Variants in TANC2 observed in about 807,000 individuals in gnomAD.
TANC2 encodes protein TANC2.
TANC2 carries 26 observed loss-of-function variants against 210.5 expected under a neutral mutation model. That is an observed-to-expected ratio of 0.12 (90% CI 0.09 to 0.17). TANC2 has a LOEUF of 0.17. Ranked by LOEUF, TANC2 falls within the 10% of genes least tolerant of loss-of-function variation. TANC2 has a pLI of 1.00. For synonymous variants in TANC2, 931 were observed against 967.1 expected, an observed-to-expected ratio of 0.96 and a Z score of 0.69; for missense variants, 2,129 against 2,608.9, an observed-to-expected ratio of 0.82 and a Z score of 4.01.
At chr17:63,054,175 A>T (rs888562540) in intron 2 of TANC2, among the ~76,000 whole-genome samples, 3 of 152,212 alleles carry the variant, frequency 2.0e-5, no homozygotes, top group African/African-American at 7.2e-5. Flanking sequence ...TATTAGTACT[A>T]AATGAGATAA....
chr17:63,300,547 A>C (rs1249252070), intron 9 of TANC2, among the ~76,000 whole-genome samples: 1 of 152,132 alleles, frequency 6.6e-6, no homozygotes, highest in African/African-American at 2.4e-5. Context: ...AGTGATTGTG[A>C]ATGGGAGTTC....
chr17:63,300,925 A>G (rs2044692812), intron 9 of TANC2, among the ~76,000 whole-genome samples: 1 of 152,170 alleles, frequency 6.6e-6, no homozygotes, highest in African/African-American at 2.4e-5. Flanking sequence ...TGTCATAAAT[A>G]GCTCTTATTA....
chr17:63,352,173 T>C (rs2046631166), intron 13 of TANC2, among the ~76,000 whole-genome samples: 1 of 152,150 alleles, frequency 6.6e-6, no homozygotes, highest in Admixed American at 6.6e-5. Context: ...ATAAAAATTA[T>C]TTCCTCCTAT....
At chr17:63,283,495 T>C (rs1284131202) in intron 9 of TANC2, among the ~76,000 whole-genome samples, 1 of 151,804 alleles carries the variant, frequency 6.6e-6, no homozygotes, top group Non-Finnish European at 1.5e-5. Context: ...TGCTAGAGTT[T>C]TTATGGAGAT....
intron 3 of TANC2, among the ~76,000 whole-genome samples, chr17:63,091,061 T>TG (rs1308056738): frequency 6.7e-6 from 1 of 150,344 alleles, no homozygotes; most frequent in African/African-American, 2.4e-5. Flanking sequence ...GGTTGTTTGT[T>TG]TTTTTTTTTT....
intron 5 of TANC2, among the ~76,000 whole-genome samples, chr17:63,176,188 C>A (rs998039205): frequency 6.6e-6 from 1 of 152,126 alleles, no homozygotes; most frequent in African/African-American, 2.4e-5. Context: ...CATTACACAC[C>A]TATGTGTTTT....
intron 6 of TANC2, among the ~76,000 whole-genome samples, chr17:63,198,103 TTTTC>T: frequency 6.6e-6 from 1 of 152,346 alleles, no homozygotes; most frequent in African/African-American, 2.4e-5. Flanking sequence ...TATAATATGA[TTTTC>T]TTTCACAAAG....
chr17:63,080,848 G>A (rs528885850), intron 3 of TANC2, among the ~76,000 whole-genome samples: 11 of 151,914 alleles, frequency 7.2e-5, no homozygotes, highest in Non-Finnish European at 1.5e-4. Context: ...GAATAAGACC[G>A]TTCTGTTTAT....
At chr17:63,338,680 C>A (rs942110740) in intron 11 of TANC2, among the ~76,000 whole-genome samples, 6 of 152,180 alleles carry the variant, frequency 3.9e-5, no homozygotes, top group African/African-American at 1.4e-4. Flanking sequence ...ACCAGTCTAT[C>A]TGAAGAAAAG....
At chr17:63,015,640 C>T (rs945788133) in intron 2 of TANC2, among the ~76,000 whole-genome samples, 20 of 151,932 alleles carry the variant, frequency 1.3e-4, no homozygotes, top group Non-Finnish European at 2.2e-4. Context: ...TTCCCCCTAA[C>T]GACATGAGAA....
At chr17:63,196,153 T>C (rs1435483010) in intron 6 of TANC2, among the ~76,000 whole-genome samples, 1 of 152,198 alleles carries the variant, frequency 6.6e-6, no homozygotes, top group Non-Finnish European at 1.5e-5. Flanking sequence ...CATTACATGT[T>C]TAGTTGTGGG....
intron 7 of TANC2, among the ~76,000 whole-genome samples, chr17:63,217,599 C>G (rs1245212694): frequency 2.6e-5 from 4 of 152,098 alleles, no homozygotes; most frequent in African/African-American, 9.7e-5. Flanking sequence ...TTGTTTAAAA[C>G]TTTGCCATAA....
chr17:63,272,763 T>C (rs1222663859), intron 9 of TANC2, among the ~76,000 whole-genome samples: 2 of 152,146 alleles, frequency 1.3e-5, no homozygotes, highest in Non-Finnish European at 2.9e-5. Context: ...TGGTAGTTAA[T>C]GCTTATATAC....
intron 2 of TANC2, among the ~76,000 whole-genome samples, chr17:63,033,131 C>T (rs1223177623): frequency 2.6e-5 from 4 of 152,190 alleles, no homozygotes; most frequent in Admixed American, 2.6e-4. Context: ...GGGTGCCCCA[C>T]TCTCCTGACA....
At chr17:63,095,820 T>C (rs959280093) in intron 3 of TANC2, among the ~76,000 whole-genome samples, 1 of 152,180 alleles carries the variant, frequency 6.6e-6, no homozygotes, top group African/African-American at 2.4e-5. Context: ...TCTCTGTAGC[T>C]ACAATAAGTT....
At chr17:63,109,210 A>C (rs781649165) in intron 4 of TANC2, among the ~76,000 whole-genome samples, 1 of 151,748 alleles carries the variant, frequency 6.6e-6, no homozygotes, top group Non-Finnish European at 1.5e-5. Flanking sequence ...TAATCAATAA[A>C]GTTAAAAGGG....
chr17:63,066,925 T>G (rs1053961325), intron 2 of TANC2, among the ~76,000 whole-genome samples: 1 of 151,992 alleles, frequency 6.6e-6, no homozygotes, highest in African/African-American at 2.4e-5. Context: ...CCCCATTAAG[T>G]TTTTATGAGC....
At chr17:63,406,427 T>G (rs1202997768) in intron 21 of TANC2, 150 bp downstream of exon 21, 1 of 1,103,778 alleles carries the variant, frequency 9.1e-7, no homozygotes, top group Non-Finnish European at 1.3e-6. Flanking sequence ...CCTCTTGTAT[T>G]CAGTGTAATG....
At chr17:63,053,483 CT>C (rs2035656864) in intron 2 of TANC2, among the ~76,000 whole-genome samples, 1 of 152,216 alleles carries the variant, frequency 6.6e-6, no homozygotes, top group African/African-American at 2.4e-5. Context: ...TCACAGTATT[CT>C]CCCCAGGCTT....
Sources: allele counts gnomAD v4.1 joint callset (sites outside exome capture counted in the v4.1 genomes callset), GRCh38; gene constraint gnomAD v4.1.1; transcripts MANE v1.5; gene names NCBI Gene and HGNC (gene_info 2026-07-23, HGNC 2026-07-21).